The following ROBO1 variants were observed in gnomAD, a reference collection of about 807,000 sequenced individuals.
The protein encoded by ROBO1 is roundabout guidance receptor 1.
Under a neutral mutation model 195.9 loss-of-function variants are expected in ROBO1, and 149 were observed. The ratio of observed to expected loss-of-function variants is 0.76; its 90% CI spans 0.67 to 0.87. The LOEUF is 0.87. Ranked by LOEUF, ROBO1 falls within the 40% of genes least tolerant of loss-of-function variation. ROBO1 has a pLI of 0.00. For synonymous variants in ROBO1, 816 were observed against 733.2 expected (o/e 1.11, Z -1.82); for missense variants, 1,933 against 2,068.3 (o/e 0.93, Z 1.27).
At chr3:79,231,696 G>A (rs2082324294) in intron 2 of ROBO1, among the ~76,000 whole-genome samples, 1 of 152,154 alleles carries the variant, frequency 6.6e-6, no homozygotes, top group African/African-American at 2.4e-5. Context: ...ATTTGACCCA[G>A]CAATCCCATT....
rs551912925 is a variant in ROBO1, at chr3:78,644,541, A to G, written c.2882+1607T>C. Reference sequence around the variant, plus strand: ...TAGCATTTCATTTAGGAAAATGATCATTTCTACTTACTATTTGAAATAAAT... The same window carrying G: ...TAGCATTTCATTTAGGAAAATGATCGTTTCTACTTACTATTTGAAATAAAT... On this transcript the variant is annotated intron_variant, in intron 21 of 30. Transcript: ENST00000464233. Among the ~76,000 whole-genome samples, 4 of 152,308 alleles carry G rather than the reference A, an allele frequency of 2.6e-5. No individual in the cohort carries two copies. The South Asian group carries it at 6.2e-4, about 24-fold the overall frequency.
intron 4 of ROBO1, among the ~76,000 whole-genome samples, chr3:78,913,536 C>A (rs922554621): frequency 1.3e-5 from 2 of 151,814 alleles, no homozygotes; most frequent in Non-Finnish European, 2.9e-5. Flanking sequence ...TTTGGATTAA[C>A]TAGAAAGAGA....
chr3:79,087,081 T>C (rs961031093), intron 3 of ROBO1, among the ~76,000 whole-genome samples: 9 of 152,072 alleles, frequency 5.9e-5, no homozygotes, highest in African/African-American at 1.2e-4. Context: ...TAATATGCAA[T>C]ATTTTTATTG....
intron 3 of ROBO1, among the ~76,000 whole-genome samples, chr3:79,121,670 A>G (rs899997222): frequency 6.6e-6 from 1 of 151,974 alleles, no homozygotes; most frequent in East Asian, 1.9e-4. Flanking sequence ...CCAATATTCT[A>G]TTGTAAATAT....
intron 4 of ROBO1, among the ~76,000 whole-genome samples, chr3:78,800,264 A>T (rs1050063076): frequency 6.6e-6 from 1 of 152,238 alleles, no homozygotes; most frequent in Non-Finnish European, 1.5e-5. Flanking sequence ...AATAACAACA[A>T]GATAACTAAG....
In ROBO1 at chr3:79,441,747, CA is replaced by C. The variant is rs1445533443; in HGVS notation, c.88+148076del. ...AACGAATCTCATTTTCTAGAGTCTG[CA>C]GAGTGTTAGTGTAAGGAAATGTTAA... On this transcript the variant is annotated intron_variant, in intron 2 of 30. Coordinates refer to ENST00000464233, the MANE Select transcript of ROBO1 (RefSeq NM_002941.4). Among the ~76,000 whole-genome samples, 5 of 152,128 alleles carry C rather than the reference CA, an allele frequency of 3.3e-5. No individual in the cohort carries two copies. The East Asian group carries it at 9.6e-4, about 29-fold the overall frequency.
chr3:78,955,176 G>T (rs1256125788), intron 3 of ROBO1, among the ~76,000 whole-genome samples: 1 of 149,862 alleles, frequency 6.7e-6, no homozygotes, highest in Non-Finnish European at 1.5e-5. Flanking sequence ...GGTTATATAG[G>T]TAAACTGTGT....
intron 4 of ROBO1, among the ~76,000 whole-genome samples, chr3:78,910,530 G>A (rs1330144532): frequency 1.3e-5 from 2 of 151,948 alleles, no homozygotes; most frequent in Middle Eastern, 3.4e-3. Context: ...CAGGTAATTC[G>A]TAACAGTTAA....
At chr3:78,903,954 A>T (rs1332151653) in intron 4 of ROBO1, among the ~76,000 whole-genome samples, 1 of 152,044 alleles carries the variant, frequency 6.6e-6, no homozygotes, top group Non-Finnish European at 1.5e-5. Context: ...CTCCTGATCT[A>T]CAAAATAGAA....
intron 2 of ROBO1, among the ~76,000 whole-genome samples, chr3:79,288,931 T>C (rs1470716080): frequency 6.6e-6 from 1 of 152,142 alleles, no homozygotes; most frequent in Non-Finnish European, 1.5e-5. Context: ...GGTCTTTTTT[T>C]CACATCAGGA....
chr3:79,025,046 C>T (rs1247984011), intron 3 of ROBO1, among the ~76,000 whole-genome samples: 1 of 152,144 alleles, frequency 6.6e-6, no homozygotes, highest in Non-Finnish European at 1.5e-5. Context: ...CTAACATGAG[C>T]TAGTCCCTCA....
intron 3 of ROBO1, among the ~76,000 whole-genome samples, chr3:78,968,126 G>A (rs1001404433): frequency 2.6e-5 from 4 of 152,110 alleles, no homozygotes; most frequent in Non-Finnish European, 4.4e-5. Flanking sequence ...TATCTCATTG[G>A]AGAGGGCATG....
intron 4 of ROBO1, among the ~76,000 whole-genome samples, chr3:78,884,866 C>CTGTGTGTGTGTGTGTGTGTG (rs376764608): frequency 2.0e-5 from 3 of 147,288 alleles, no homozygotes; most frequent in African/African-American, 7.5e-5. Context: ...CTCTCTCTTT[C>CTGTGTGTGTGTGTGTGTGTG]TGTGTGTGTG....
intron 2 of ROBO1, among the ~76,000 whole-genome samples, chr3:79,258,140 T>C (rs567488210): frequency 9.8e-5 from 15 of 152,286 alleles, no homozygotes; most frequent in African/African-American, 3.4e-4. Flanking sequence ...GAATTTGGTA[T>C]TCCCCTTTCT....
chr3:79,256,124 C>T (rs1179626593), intron 2 of ROBO1, among the ~76,000 whole-genome samples: 1 of 152,152 alleles, frequency 6.6e-6, no homozygotes, highest in Non-Finnish European at 1.5e-5. Flanking sequence ...CTTTTGACTC[C>T]ATGAATCATG....
chr3:79,652,273 T>G (rs1427463981), intron 1 of ROBO1, among the ~76,000 whole-genome samples: 2 of 152,096 alleles, frequency 1.3e-5, no homozygotes, highest in African/African-American at 4.8e-5. Context: ...GATTGAGGCA[T>G]GTCCACTTTG....
At chr3:79,458,006 T>C (rs1464420768) in intron 2 of ROBO1, among the ~76,000 whole-genome samples, 1 of 152,070 alleles carries the variant, frequency 6.6e-6, no homozygotes, top group Non-Finnish European at 1.5e-5. Flanking sequence ...TCAATTGAGT[T>C]TTCTATCACC....
At chr3:79,662,529 T>C (rs1946359396) in intron 1 of ROBO1, among the ~76,000 whole-genome samples, 1 of 152,092 alleles carries the variant, frequency 6.6e-6, no homozygotes, top group South Asian at 2.1e-4. Context: ...TTGCCAAGTT[T>C]CTCCTCAATG....
chr3:79,672,331 CTT>C (rs1445734838), intron 1 of ROBO1, among the ~76,000 whole-genome samples: 5 of 129,410 alleles, frequency 3.9e-5, no homozygotes, highest in Non-Finnish European at 6.4e-5. Flanking sequence ...TGAAAGATGA[CTT>C]TGAATAATGT....
Sources: allele counts gnomAD v4.1 joint callset (sites outside exome capture counted in the v4.1 genomes callset), GRCh38; gene constraint gnomAD v4.1.1; transcripts MANE v1.5; gene names NCBI Gene and HGNC (gene_info 2026-07-23, HGNC 2026-07-21).